Variants in TBC1D5 observed in about 807,000 individuals in gnomAD.
TBC1D5 encodes the protein TBC1 domain family member 5, also known as TBC1 domain family, member 5.
In TBC1D5, 75 loss-of-function variants were observed where a neutral mutation model predicts 100.3. That is an observed-to-expected ratio of 0.75 (90% CI 0.62 to 0.91). TBC1D5 has a LOEUF of 0.91. Ranked by LOEUF, TBC1D5 falls within the 40% of genes least tolerant of loss-of-function variation. The probability of loss-of-function intolerance (pLI) is 0.00; values close to 1 mark genes in which losing one functional copy is unlikely to be tolerated. For missense variants in TBC1D5, 910 were observed against 942.4 expected (o/e 0.97, Z 0.45); for synonymous variants, 323 against 325.6 (o/e 0.99, Z 0.09).
intron 2 of TBC1D5, among the ~76,000 whole-genome samples, chr3:17,598,120 T>C (rs1031421455): frequency 2.0e-5 from 3 of 148,166 alleles, no homozygotes; most frequent in Admixed American, 7.1e-5. Context: ...ACCAGTCAAA[T>C]TGTCTGAGAA....
At chr3:17,427,600 A>C (rs1340169478) in intron 4 of TBC1D5, among the ~76,000 whole-genome samples, 2 of 152,004 alleles carry the variant, frequency 1.3e-5, no homozygotes. Context: ...CATATATTTT[A>C]TAGTGTTGTT....
chr3:17,290,644 A>G (rs866490087), intron 15 of TBC1D5, among the ~76,000 whole-genome samples: 17 of 152,184 alleles, frequency 1.1e-4, no homozygotes, highest in Admixed American at 2.6e-4. Flanking sequence ...TTTGACAGAT[A>G]TTTTGTCATC....
chr3:17,591,104 C>T (rs926715098), intron 2 of TBC1D5, among the ~76,000 whole-genome samples: 13 of 151,232 alleles, frequency 8.6e-5, no homozygotes, highest in African/African-American at 2.7e-4. Flanking sequence ...GGTGTGGTGG[C>T]GGGCGCCTGT....
At chr3:17,234,796 T>A (rs564130142) in intron 17 of TBC1D5, among the ~76,000 whole-genome samples, 2 of 152,278 alleles carry the variant, frequency 1.3e-5, no homozygotes, top group Admixed American at 1.3e-4. Context: ...AAATGACATA[T>A]CCTCAGTGTT....
intron 18 of TBC1D5, among the ~76,000 whole-genome samples, chr3:17,206,133 A>G (rs555257564): frequency 6.6e-6 from 1 of 152,222 alleles, no homozygotes; most frequent in East Asian, 1.9e-4. Context: ...CTATTTTCCT[A>G]AGGGAAAATA....
intron 15 of TBC1D5, among the ~76,000 whole-genome samples, chr3:17,275,783 G>A (rs563720820): frequency 6.6e-6 from 1 of 152,282 alleles, no homozygotes; most frequent in Non-Finnish European, 1.5e-5. Flanking sequence ...TGAGTTAGTA[G>A]GTAATGGACT....
intron 1 of TBC1D5, among the ~76,000 whole-genome samples, chr3:17,687,078 T>C (rs999736746): frequency 1.3e-5 from 2 of 152,166 alleles, no homozygotes; most frequent in African/African-American, 4.8e-5. Context: ...ACCGGGTATA[T>C]GGGAACCCTT....
At chr3:17,448,689 A>G (rs2094855068) in intron 3 of TBC1D5, among the ~76,000 whole-genome samples, 3 of 152,218 alleles carry the variant, frequency 2.0e-5, no homozygotes, top group Admixed American at 1.3e-4. Context: ...GGTCACAAGA[A>G]TAGGCTTAAA....
At chr3:17,437,832 T>G (rs2094566058) in intron 3 of TBC1D5, among the ~76,000 whole-genome samples, 1 of 152,172 alleles carries the variant, frequency 6.6e-6, no homozygotes, top group South Asian at 2.1e-4. Flanking sequence ...TCTAAAATTA[T>G]TAGCTTCTAC....
chr3:17,173,215 G>A (rs546517125), intron 19 of TBC1D5, among the ~76,000 whole-genome samples: 32 of 152,312 alleles, frequency 2.1e-4, no homozygotes, highest in Admixed American at 4.6e-4. Context: ...ACTTGAAGGT[G>A]GTGGAACTGG....
chr3:17,601,063 G>A (rs949677229), intron 2 of TBC1D5, among the ~76,000 whole-genome samples: 1 of 152,102 alleles, frequency 6.6e-6, no homozygotes, highest in African/African-American at 2.4e-5. Flanking sequence ...AATAAATTCT[G>A]GGCCATCTCC....
chr3:17,499,530 C>T lies in TBC1D5; in HGVS notation c.97+8944G>A, dbSNP rs1222946796. 8.1e-5 allele frequency among the ~76,000 whole-genome samples: 12 copies of T among 148,708 alleles called. No homozygotes were observed. The East Asian group carries it at 2.1e-3, about 26-fold the overall frequency. On this transcript the variant is annotated intron_variant, in intron 3 of 21. Coordinates refer to ENST00000253692, the Ensembl canonical transcript of TBC1D5. The stretch of plus-strand genomic sequence containing the variant: ...GCAACATGGAAAGACCCTGTCTCTA[C>T]TAAAAAATACAAAAATTTGCCGGGT...
intron 1 of TBC1D5, among the ~76,000 whole-genome samples, chr3:17,639,464 G>GT (rs1459748835): frequency 6.7e-5 from 10 of 148,156 alleles, no homozygotes; most frequent in Admixed American, 6.7e-4. Context: ...ACACAATTTG[G>GT]TTAAAAAAAA....
intron 1 of TBC1D5, chr3:17,699,881 T>G (rs1315281021): frequency 2.0e-5 from 3 of 151,858 alleles, no homozygotes; most frequent in Non-Finnish European, 4.4e-5. Context: ...AGTATCTACT[T>G]TAAAATGGAA....
intron 2 of TBC1D5, among the ~76,000 whole-genome samples, chr3:17,571,500 T>C (rs943430088): frequency 6.6e-6 from 1 of 152,002 alleles, no homozygotes; most frequent in African/African-American, 2.4e-5. Context: ...ATTGAAAAAA[T>C]CGAGTTCTTT....
At chr3:17,697,640 C>A (rs1358216926) in intron 1 of TBC1D5, among the ~76,000 whole-genome samples, 1 of 152,110 alleles carries the variant, frequency 6.6e-6, no homozygotes. Flanking sequence ...CCCACGCTCA[C>A]GGATAGGAAG....
intron 13 of TBC1D5, among the ~76,000 whole-genome samples, chr3:17,348,333 G>A (rs2090157375): frequency 6.6e-6 from 1 of 152,072 alleles, no homozygotes. Flanking sequence ...TTAAGCAAGC[G>A]ATTCTCCATT....
At chr3:17,709,309 C>T (rs2074482253) in intron 1 of TBC1D5, among the ~76,000 whole-genome samples, 1 of 152,118 alleles carries the variant, frequency 6.6e-6, no homozygotes, top group Non-Finnish European at 1.5e-5. Flanking sequence ...ATAACTATTT[C>T]TAAATTCTCT....
chr3:17,420,522 C>A (rs911939238), intron 4 of TBC1D5, among the ~76,000 whole-genome samples: 1 of 151,890 alleles, frequency 6.6e-6, no homozygotes, highest in African/African-American at 2.4e-5. Flanking sequence ...AATAAATAAG[C>A]AAGATATTGG....
Sources: gnomAD v4.1 joint callset for allele counts (sites outside exome capture counted in the v4.1 genomes callset) on GRCh38, gnomAD v4.1.1 for gene constraint, MANE v1.5 for transcripts, NCBI Gene and HGNC (gene_info 2026-07-23, HGNC 2026-07-21) for gene names.